The following CACNA2D3 variants were observed in gnomAD, a reference collection of about 807,000 sequenced individuals.
CACNA2D3 encodes voltage-dependent calcium channel subunit alpha-2/delta-3.
In CACNA2D3, 60 loss-of-function variants were observed where a neutral mutation model predicts 160.6. The ratio of observed to expected loss-of-function variants is 0.37; its 90% confidence interval spans 0.30 to 0.46. The LOEUF (loss-of-function observed/expected upper bound fraction) is 0.46. Among genes scored for constraint, CACNA2D3 ranks in the 20% least tolerant of loss-of-function variants. The pLI, the probability that CACNA2D3 is intolerant of heterozygous loss-of-function variation, is 1.00. For missense variants in CACNA2D3, 1,205 were observed against 1,365.0 expected (o/e 0.88, Z 1.85); for synonymous variants, 558 against 492.9 (o/e 1.13, Z -1.75).
chr3:54,655,056 G>A (rs1699853923), intron 11 of CACNA2D3, among the ~76,000 whole-genome samples: 1 of 152,210 alleles, frequency 6.6e-6, no homozygotes, highest in Non-Finnish European at 1.5e-5. Flanking sequence ...AATCCAACGT[G>A]TGCTTGGTGC....
At chr3:54,870,456 C>G (rs1207367835) in intron 17 of CACNA2D3, among the ~76,000 whole-genome samples, 1 of 152,150 alleles carries the variant, frequency 6.6e-6, no homozygotes, top group African/African-American at 2.4e-5. Context: ...ATATATTTTT[C>G]CAATGTGCCA....
chr3:54,483,254 AT>A (rs367646603), intron 4 of CACNA2D3, among the ~76,000 whole-genome samples: 2 of 151,762 alleles, frequency 1.3e-5, no homozygotes, highest in African/African-American at 4.8e-5. Flanking sequence ...CCACACAATG[AT>A]TTTTTTTTGA....
intron 2 of CACNA2D3, among the ~76,000 whole-genome samples, chr3:54,130,737 A>G (rs1024717468): frequency 3.9e-5 from 6 of 152,190 alleles, no homozygotes; most frequent in Non-Finnish European, 8.8e-5. Context: ...CTTAGTTCCT[A>G]TTTGAAAAGA....
intron 4 of CACNA2D3, among the ~76,000 whole-genome samples, chr3:54,484,435 C>A (rs540687398): frequency 6.6e-6 from 1 of 151,960 alleles, no homozygotes. Context: ...GTTGAAGATG[C>A]TAGGTAGTGA....
chr3:54,295,165 G>T (rs1703312415), intron 2 of CACNA2D3, among the ~76,000 whole-genome samples: 1 of 152,162 alleles, frequency 6.6e-6, no homozygotes, highest in Non-Finnish European at 1.5e-5. Flanking sequence ...GAGCTATGCC[G>T]AGAAGAGTTG....
intron 2 of CACNA2D3, among the ~76,000 whole-genome samples, chr3:54,212,118 T>G (rs1429599618): frequency 6.6e-6 from 1 of 152,218 alleles, no homozygotes; most frequent in African/African-American, 2.4e-5. Flanking sequence ...CAAAAGTATC[T>G]GAGACAGGTC....
intron 13 of CACNA2D3, among the ~76,000 whole-genome samples, chr3:54,770,871 G>C (rs1227985736): frequency 1.3e-5 from 2 of 152,190 alleles, no homozygotes; most frequent in Non-Finnish European, 2.9e-5. Context: ...ATCTGTAAAT[G>C]AATGCTTTGG....
chr3:54,845,786 A>G (rs1056147558), intron 16 of CACNA2D3, among the ~76,000 whole-genome samples: 1 of 152,232 alleles, frequency 6.6e-6, no homozygotes, highest in Non-Finnish European at 1.5e-5. Context: ...CTTTGTGTTG[A>G]TGGAAGCATG....
At chr3:55,056,480 A>G (rs561941119) in intron 35 of CACNA2D3, among the ~76,000 whole-genome samples, 5 of 152,264 alleles carry the variant, frequency 3.3e-5, no homozygotes, top group African/African-American at 1.2e-4. Context: ...TTTGAAATCA[A>G]TTTTTTAAAG....
chr3:54,583,903 T>TA (rs955941654), intron 9 of CACNA2D3, among the ~76,000 whole-genome samples: 1,467 of 141,342 alleles, frequency 0.01, 14 homozygotes, highest in African/African-American at 0.014. Flanking sequence ...AGGCACAGAT[T>TA]AAAAAAAAAA....
At chr3:54,413,412 ATATATAGATATC>A (rs1430450761) in intron 4 of CACNA2D3, among the ~76,000 whole-genome samples, 10 of 147,012 alleles carry the variant, frequency 6.8e-5, no homozygotes, top group Non-Finnish European at 1.2e-4. Context: ...ATATATCTAT[ATATATAGATATC>A]TATATATATA....
At chr3:54,913,737 T>A (rs1435462228) in intron 27 of CACNA2D3, among the ~76,000 whole-genome samples, 1 of 152,130 alleles carries the variant, frequency 6.6e-6, no homozygotes, top group Non-Finnish European at 1.5e-5. Flanking sequence ...TTCGAACCTG[T>A]CAGGTCCTGA....
intron 2 of CACNA2D3, among the ~76,000 whole-genome samples, chr3:54,149,924 T>C (rs867204677): frequency 0.011 from 553 of 48,568 alleles, 7 homozygotes; most frequent in Admixed American, 0.024. Flanking sequence ...TCTCTCTCTC[T>C]CTCTCTCCCT....
At chr3:54,560,197 C>G (rs1702303517) in intron 5 of CACNA2D3, among the ~76,000 whole-genome samples, 1 of 152,206 alleles carries the variant, frequency 6.6e-6, no homozygotes. Context: ...TTTACACCCC[C>G]ACCAACAGTG....
intron 13 of CACNA2D3, among the ~76,000 whole-genome samples, chr3:54,789,571 A>C (rs1317838): frequency 6.6e-6 from 1 of 152,180 alleles, no homozygotes; most frequent in Non-Finnish European, 1.5e-5. Flanking sequence ...GGGAAAATCC[A>C]TGAAGCTATT....
At chr3:54,433,133 G>T (rs1420043035) in intron 4 of CACNA2D3, among the ~76,000 whole-genome samples, 1 of 152,062 alleles carries the variant, frequency 6.6e-6, no homozygotes, top group East Asian at 1.9e-4. Context: ...ACATTCCAAC[G>T]CTGGAGGTTG....
chr3:54,927,758 A>G (rs1277843695), intron 27 of CACNA2D3: 8 of 872,900 alleles, frequency 9.2e-6, no homozygotes, highest in Non-Finnish European at 1.3e-5. Context: ...GCAAACATAA[A>G]TCATTCCATG....
At position 54,216,317 on chromosome 3, in the gene CACNA2D3, C is replaced by A. The variant is rs76570224; in HGVS notation, c.204+92723C>A. 8.8e-3 allele frequency among the ~76,000 whole-genome samples: 1,339 copies of A among 152,326 alleles called. 25 individuals carry two copies. Among genetic ancestry groups the A allele is most frequent in the African/African-American group, 0.029 (1,218 of 41,568 alleles). On this transcript the variant is annotated intron_variant, in intron 2 of 37. Coordinates refer to ENST00000474759, the MANE Select transcript of CACNA2D3 (RefSeq NM_018398.3). ...TCAATCTTCTTGCAATAATACACTT[C>A]ACGTTTCAGTGATGTTTAAAAGTGC...
At chr3:54,865,314 C>T (rs1699375134) in intron 17 of CACNA2D3, among the ~76,000 whole-genome samples, 1 of 152,206 alleles carries the variant, frequency 6.6e-6, no homozygotes, top group South Asian at 2.1e-4. Flanking sequence ...CAACAATGAG[C>T]CGTTATTACA....
Sources: gnomAD v4.1 joint callset for allele counts (sites outside exome capture counted in the v4.1 genomes callset) on GRCh38, gnomAD v4.1.1 for gene constraint, MANE v1.5 for transcripts, NCBI Gene and HGNC (gene_info 2026-07-23, HGNC 2026-07-21) for gene names.